Variants in SYNDIG1 observed in about 807,000 individuals in gnomAD.
The protein encoded by SYNDIG1 is synapse differentiation-inducing gene protein 1.
A neutral mutation model predicts 19.4 loss-of-function variants in SYNDIG1; 9 were observed. The observed-to-expected ratio is 0.46, with a 90% CI of 0.28 to 0.81. The LOEUF (loss-of-function observed/expected upper bound fraction) is 0.81. Among genes scored for constraint, SYNDIG1 ranks in the 30% least tolerant of loss-of-function variants. The pLI is 0.12. For synonymous variants in SYNDIG1, 141 were observed against 145.9 expected, an observed-to-expected ratio of 0.97 and a Z score of 0.24; for missense variants, 311 against 343.3, an observed-to-expected ratio of 0.91 and a Z score of 0.74.
chr20:24,593,468 A>ATGTCTT (rs57658184), intron 3 of SYNDIG1, among the ~76,000 whole-genome samples: 57,365 of 151,556 alleles, frequency 0.38, 11,075 homozygotes, highest in Admixed American at 0.46. Context: ...AGTTGGTTCC[A>ATGTCTT]TGCTATTGGG....
At chr20:24,534,410 C>G (rs2057321843) in intron 1 of SYNDIG1, among the ~76,000 whole-genome samples, 1 of 152,186 alleles carries the variant, frequency 6.6e-6, no homozygotes, top group Admixed American at 6.5e-5. Context: ...CCTGCCTGGC[C>G]AGGCCTGTGC....
Position 24,543,117 on chromosome 20 carries a change from A to G in SYNDIG1, c.20A>G (p.Gln7Arg). The change falls in exon 2 of 4, where the codon CAG becomes CGG. Residue 7 changes from glutamine to arginine, a missense_variant. By Grantham distance (43) the Gln-to-Arg change is conservative. Coordinates refer to ENST00000376862, the MANE Select transcript of SYNDIG1 (RefSeq NM_024893.3). MDGIIEQKSMLVHSKIS... is the reference protein window; with the variant it reads MDGIIERKSMLVHSKIS... ...AGTACCATGGATGGCATCATTGAAC[A>G]GAAGAGCATGCTGGTGCACAGTAAA... 6.2e-7 allele frequency: 1 copy of G among 1,614,086 alleles called. No individual in the cohort carries two copies.
intron 2 of SYNDIG1, among the ~76,000 whole-genome samples, chr20:24,561,608 T>G (rs1049284092): frequency 6.6e-6 from 1 of 152,174 alleles, no homozygotes; most frequent in Non-Finnish European, 1.5e-5. Context: ...ATTTAGCAAT[T>G]TTTCATAAAT....
chr20:24,646,476 G>A (rs748746967), intron 3 of SYNDIG1, among the ~76,000 whole-genome samples: 2 of 152,200 alleles, frequency 1.3e-5, no homozygotes, highest in African/African-American at 2.4e-5. Context: ...TAGCTCCTTC[G>A]ACAGCTGCCT....
chr20:24,543,411 G>C lies in SYNDIG1; in HGVS notation c.314G>C (p.Gly105Ala). 6.2e-7 allele frequency: 1 copy of C among 1,613,680 alleles called. No individual in the cohort carries two copies. Reference protein sequence around the residue: ...SEGVLRSWGDGVAADCCETTF... With the variant: ...SEGVLRSWGDAVAADCCETTF... ...GGCGTGCTGCGCTCCTGGGGGGACG[G>C]TGTGGCCGCCGACTGCTGCGAGACC... The change falls in exon 2 of 4, where the codon GGT becomes GCT. Residue 105 changes from glycine to alanine, a missense_variant. Physicochemically the swap from Gly to Ala is moderately conservative, Grantham distance 60. Coordinates refer to ENST00000376862, the MANE Select transcript of SYNDIG1 (RefSeq NM_024893.3).
rs1450868799 is a variant in SYNDIG1, at chr20:24,665,481, C to T, written c.754C>T (p.Leu252Phe). Residue 252 changes from leucine (L) to phenylalanine (F), a missense_variant, in exon 4 of 4, where the codon CTC becomes TTC. By Grantham distance (22) the Leu-to-Phe change is conservative (BLOSUM62 0). Coordinates refer to ENST00000376862, the MANE Select transcript of SYNDIG1 (RefSeq NM_024893.3). The part of the protein sequence containing the change: ...VGVAVALIAY[L>F]SKNNHL ...CGTGGCCGTGGCCCTCATCGCCTAC[C>T]TCTCCAAGAACAACCACCTGTGAGC... 2.5e-6 allele frequency: 4 copies of T among 1,613,988 alleles called. No individual in the cohort carries two copies. Among genetic ancestry groups the T allele is most frequent in the Admixed American group, 3.3e-5 (2 of 59,982 alleles).
chr20:24,665,401 G>A lies in SYNDIG1; in HGVS notation c.674G>A (p.Arg225Gln), dbSNP rs774397243. 15 of 1,612,028 alleles carry A rather than the reference G, an allele frequency of 9.3e-6. No individual in the cohort carries two copies. Among genetic ancestry groups the A allele is most frequent in the South Asian group, 2.2e-5 (2 of 90,744 alleles). ...CACCAGGCCAGCACCAGCTCCCGGC[G>A]GGCCCTATTCCTGGCAGTGCTGTCC... is the stretch of plus-strand genomic sequence containing the variant. The part of the protein sequence containing the change: ...DLHQASTSSR[R>Q]ALFLAVLSIT... Residue 225 changes from arginine to glutamine, a missense_variant, in exon 4 of 4, where the codon CGG becomes CAG. By Grantham distance (43) the Arg-to-Gln change is conservative. Coordinates refer to ENST00000376862, the MANE Select transcript of SYNDIG1 (RefSeq NM_024893.3).
intron 3 of SYNDIG1, among the ~76,000 whole-genome samples, chr20:24,588,756 A>T (rs1168484903): frequency 6.6e-6 from 1 of 152,044 alleles, no homozygotes; most frequent in Non-Finnish European, 1.5e-5. Flanking sequence ...CTGGGTTCTG[A>T]TGTTGCTCGG....
At position 24,601,362 on chromosome 20, in the gene SYNDIG1, C is replaced by G. The variant is rs56273983; in HGVS notation, c.618+16369C>G. On this transcript the variant is annotated intron_variant, in intron 3 of 3. Transcript: ENST00000376862. Reference sequence around the variant, plus strand: ...GAGTTCCCTTTTTCTGTTCTCTGAACATTTATTTAAAACTGACCTATTTTT... The same window carrying G: ...GAGTTCCCTTTTTCTGTTCTCTGAAGATTTATTTAAAACTGACCTATTTTT... Among the ~76,000 whole-genome samples, 1,259 of 152,224 alleles carry G rather than the reference C, an allele frequency of 8.3e-3. 18 individuals carry two copies. The highest frequency in any genetic ancestry group is 0.029 in the African/African-American group (1,191 of 41,542).
At chr20:24,602,406 T>C (rs948864287) in intron 3 of SYNDIG1, among the ~76,000 whole-genome samples, 7 of 152,254 alleles carry the variant, frequency 4.6e-5, no homozygotes, top group Admixed American at 2.0e-4. Flanking sequence ...GAAGCAGAAC[T>C]GGGCTGTAGC....
At chr20:24,522,486 A>C (rs1424611621) in intron 1 of SYNDIG1, among the ~76,000 whole-genome samples, 1 of 152,200 alleles carries the variant, frequency 6.6e-6, no homozygotes, top group Non-Finnish European at 1.5e-5. Flanking sequence ...GTTAGAATTT[A>C]GTTCACTTAC....
At chr20:24,538,271 C>T (rs1346711240) in intron 1 of SYNDIG1, among the ~76,000 whole-genome samples, 2 of 152,166 alleles carry the variant, frequency 1.3e-5, no homozygotes, top group African/African-American at 2.4e-5. Context: ...TCACACCACT[C>T]CCATCCCCTG....
At chr20:24,627,174 C>G (rs554285473) in intron 3 of SYNDIG1, among the ~76,000 whole-genome samples, 1 of 151,122 alleles carries the variant, frequency 6.6e-6, no homozygotes, top group Non-Finnish European at 1.5e-5. Flanking sequence ...AGAGCGAGAG[C>G]GAGAGCGAGA....
At chr20:24,613,076 T>C (rs939635045) in intron 3 of SYNDIG1, among the ~76,000 whole-genome samples, 6 of 152,160 alleles carry the variant, frequency 3.9e-5, no homozygotes, top group African/African-American at 1.4e-4. Flanking sequence ...GAGCAGATCC[T>C]CCCAATGCTT....
At chr20:24,631,009 T>C (rs1179023449) in intron 3 of SYNDIG1, among the ~76,000 whole-genome samples, 1 of 152,186 alleles carries the variant, frequency 6.6e-6, no homozygotes, top group African/African-American at 2.4e-5. Context: ...AGGGAGAAGA[T>C]CTTTAACTGA....
chr20:24,562,203 T>C (rs2057959934), intron 2 of SYNDIG1, among the ~76,000 whole-genome samples: 1 of 152,210 alleles, frequency 6.6e-6, no homozygotes, highest in African/African-American at 2.4e-5. Flanking sequence ...TATAGTTGCA[T>C]CTCATTTTGT....
intron 3 of SYNDIG1, among the ~76,000 whole-genome samples, chr20:24,604,004 G>A (rs538604759): frequency 7.2e-5 from 11 of 152,308 alleles, no homozygotes; most frequent in East Asian, 3.9e-4. Context: ...GGGTTTCTCC[G>A]AAGCTGTCAC....
At chr20:24,478,600 C>A (rs1045634578) in intron 1 of SYNDIG1, among the ~76,000 whole-genome samples, 1 of 152,220 alleles carries the variant, frequency 6.6e-6, no homozygotes, top group Non-Finnish European at 1.5e-5. Flanking sequence ...CAATGACAGA[C>A]CCCATGCACC....
At chr20:24,534,034 C>G (rs957743481) in intron 1 of SYNDIG1, among the ~76,000 whole-genome samples, 1 of 152,076 alleles carries the variant, frequency 6.6e-6, no homozygotes, top group African/African-American at 2.4e-5. Flanking sequence ...TGAAGGGAAG[C>G]AGGCACATCA....
Sources: gnomAD v4.1 joint callset for allele counts (sites outside exome capture counted in the v4.1 genomes callset) on GRCh38, gnomAD v4.1.1 for gene constraint, MANE v1.5 for transcripts, NCBI Gene and HGNC (gene_info 2026-07-23, HGNC 2026-07-21) for gene names.